Variants in MYBPC2 observed in about 807,000 individuals in gnomAD.
The protein encoded by MYBPC2 is myosin-binding protein C, fast-type.
Under a neutral mutation model 137.0 loss-of-function variants are expected in MYBPC2, and 122 were observed. That is an observed-to-expected ratio of 0.89 (90% CI 0.77 to 1.03). The LOEUF is 1.03. Ranked by LOEUF, MYBPC2 falls within the 50% of genes least tolerant of loss-of-function variation. The pLI, the probability that MYBPC2 is intolerant of heterozygous loss-of-function variation, is 0.00. For missense variants in MYBPC2, 1,500 were observed against 1,534.4 expected, an observed-to-expected ratio of 0.98 and a Z score of 0.37; for synonymous variants, 626 against 612.3, an observed-to-expected ratio of 1.02 and a Z score of -0.33.
chr19:50,436,469 C>CA, intron 4 of MYBPC2, 148 bp from the exon 5 acceptor site: 1 of 769,806 alleles, frequency 1.3e-6, no homozygotes, highest in Non-Finnish European at 2.1e-6. Context: ...AGCTGGCCAC[C>CA]AGGTGCTGAG....
chr19:50,433,933 G>A (rs1400678827), intron 1 of MYBPC2, among the ~76,000 whole-genome samples: 1 of 152,194 alleles, frequency 6.6e-6, no homozygotes, highest in Admixed American at 6.5e-5. Context: ...AAATCAGCCA[G>A]GTGTGGTGGT....
intron 4 of MYBPC2, 47 bp from the exon 5 acceptor site, chr19:50,436,570 C>A: frequency 6.6e-7 from 1 of 1,512,112 alleles, no homozygotes; most frequent in South Asian, 1.1e-5. Flanking sequence ...TATGGGGTGG[C>A]TCTAGAGGGT....
chr19:50,454,052 C>T lies in MYBPC2; in HGVS notation c.1782C>T (p.Ile594=), dbSNP rs374005180. The T allele has an allele frequency of 8.4e-5, 135 of 1,607,438 alleles. No individual in the cohort carries two copies. Among genetic ancestry groups the T allele is most frequent in the Admixed American group, 1.9e-4 (11 of 58,960 alleles). ...CGACCACCGAGGGCAGGACCCGCATCGAGAAGCGGGTGGACTGCAGCAGCT... is the reference window on the plus strand; with the variant it reads ...CGACCACCGAGGGCAGGACCCGCATTGAGAAGCGGGTGGACTGCAGCAGCT... The part of the protein sequence containing the change: ...VFTTTEGRTR[I]EKRVDCSSFV... The change falls in exon 17 of 28, where the codon ATC becomes ATT. Residue 594 remains isoleucine, a synonymous_variant. Transcript: ENST00000357701.
rs754815401 is a variant in MYBPC2, at chr19:50,437,727, C to T, written c.572+9C>T. 7 of 1,598,764 alleles carry T rather than the reference C, an allele frequency of 4.4e-6. No homozygotes were observed. The highest frequency in any genetic ancestry group is 4.0e-5 in the African/African-American group (3 of 74,578). On this transcript the variant is annotated intron_variant, in intron 7 of 27. Transcript: ENST00000357701. The stretch of plus-strand genomic sequence containing the variant: ...GGCCTGTTGAAGAAGAGGTGAGCCC[C>T]GGACTTGGCACAGAGAGGGGAGATG...
rs564961071 is a variant in MYBPC2 at position 50,462,171 on chromosome 19, T to A, written c.3228+135T>A. 468 of 1,297,758 alleles carry A rather than the reference T, an allele frequency of 3.6e-4. 1 individual carries two copies. Among genetic ancestry groups the A allele is most frequent in the Admixed American group, 3.3e-3 (105 of 31,360 alleles). 80.4% of individuals were successfully genotyped at this position (1,297,758 alleles called of 1,614,324 possible). A position where few individuals can be genotyped will look rare whatever the true frequency, so the allele number is the denominator to read the frequency against. On this transcript the variant is annotated intron_variant, in intron 26 of 27. Transcript: ENST00000357701. Reference sequence around the variant, plus strand: ...TCAAGGGATTTAGTCACTTAAAAAATTTTTTTAATTGATTTTTGATTTTTT... The same window carrying A: ...TCAAGGGATTTAGTCACTTAAAAAAATTTTTTAATTGATTTTTGATTTTTT...
intron 8 of MYBPC2, 94 bp from the exon 9 acceptor site, chr19:50,442,087 C>A (rs1271820486): frequency 2.3e-5 from 33 of 1,456,852 alleles, no homozygotes; most frequent in Non-Finnish European, 3.0e-5. Context: ...CTTGGAGAGC[C>A]CAGGGCCTGG....
At position 50,435,897 on chromosome 19, in the gene MYBPC2, C is replaced by G. The variant is rs767043247; in HGVS notation, c.196+35C>G. ...ACCCGGGGGAGGAGGGGCTGCGGCC[C>G]GGACTCCTGGGTCTGAGGGAGGAGG... On this transcript the variant is annotated intron_variant, in intron 3 of 27. Coordinates refer to ENST00000357701, the MANE Select transcript of MYBPC2 (RefSeq NM_004533.4). The surrounding 1 kb of genome is among the most constrained non-coding windows in gnomAD (Gnocchi z 4.8). 5.8e-6 allele frequency: 9 copies of G among 1,555,282 alleles called. No homozygotes were observed. The highest frequency in any genetic ancestry group is 5.7e-5 in the Admixed American group (3 of 52,176).
chr19:50,436,743 G>C lies in MYBPC2; in HGVS notation c.463+9G>C. On this transcript the variant is annotated intron_variant, in intron 5 of 27. Transcript: ENST00000357701. Reference sequence around the variant, plus strand: ...CAACATCGATGTGGAGGGTATGCTGGTGGGGGATGCGGGAGCAAAGGGTTC... The same window carrying C: ...CAACATCGATGTGGAGGGTATGCTGCTGGGGGATGCGGGAGCAAAGGGTTC... 6.2e-7 allele frequency: 1 copy of C among 1,612,974 alleles called. No homozygotes were observed.
chr19:50,446,097 C>T (rs2039803500), intron 12 of MYBPC2, 45 bp downstream of exon 12: 4 of 1,580,098 alleles, frequency 2.5e-6, no homozygotes, highest in Admixed American at 1.8e-5. Context: ...GCGCATGCTT[C>T]TCCACACAGC....
chr19:50,466,192 C>T lies in MYBPC2; in HGVS notation c.3416-3C>T. The stretch of plus-strand genomic sequence containing the variant: ...GCTCACCCGCTTTCTCGTTTTCCTG[C>T]AGTGCCGCAGTGAGACCTGTCCCCT... On this transcript the variant is annotated splice_region_variant and splice_polypyrimidine_tract_variant and intron_variant, in intron 27 of 27. Transcript: ENST00000357701. The surrounding 1 kb of genome is among the most constrained non-coding windows in gnomAD (Gnocchi z 4.9). The T allele has an allele frequency of 1.2e-6, 2 of 1,613,852 alleles. No individual in the cohort carries two copies. Among genetic ancestry groups the T allele is most frequent in the African/African-American group, 1.3e-5 (1 of 75,022 alleles).
At position 50,443,597 on chromosome 19, in the gene MYBPC2, T is replaced by G; in HGVS notation, c.1006T>G (p.Phe336Val). The change falls in exon 10 of 28, where the codon TTC (phenylalanine) becomes GTC (valine). Residue 336 changes from phenylalanine to valine, a missense_variant. Physicochemically the swap from Phe to Val is conservative, Grantham distance 50. Coordinates refer to ENST00000357701, the MANE Select transcript of MYBPC2 (RefSeq NM_004533.4). ...YEVAVKDEKC[F>V]TELFVKEPPV... is the part of the protein sequence containing the mutation. The stretch of plus-strand genomic sequence containing the variant: ...AGTAGCTGTCAAGGATGAGAAGTGT[T>G]TCACCGAGCTCTTCGTCAAAGGTGA... 6.2e-7 allele frequency: 1 copy of G among 1,613,470 alleles called. No individual in the cohort carries two copies. Among genetic ancestry groups the G allele is most frequent in the Non-Finnish European group, 8.5e-7 (1 of 1,179,626 alleles).
At chr19:50,442,054 C>T in intron 8 of MYBPC2, 127 bp from the exon 9 acceptor site, 4 of 1,202,444 alleles carry the variant, frequency 3.3e-6, no homozygotes, top group South Asian at 1.6e-5. Context: ...TCATAGGAGG[C>T]CCCCTGACTT....
At chr19:50,446,512 TAAAACAAAAACA>T (rs998688068) in intron 12 of MYBPC2, among the ~76,000 whole-genome samples, 1 of 125,942 alleles carries the variant, frequency 7.9e-6, no homozygotes, top group Admixed American at 8.4e-5. Flanking sequence ...GACTCTGTCT[TAAAACAAAAACA>T]AAAACAAAAA....
intron 23 of MYBPC2, 80 bp from the exon 24 acceptor site, chr19:50,459,960 G>A (rs2039956213): frequency 2.6e-6 from 4 of 1,529,296 alleles, no homozygotes; most frequent in Non-Finnish European, 3.5e-6. Context: ...CAGGAGGGAG[G>A]GGGTGTGGAG....
intron 20 of MYBPC2, among the ~76,000 whole-genome samples, chr19:50,457,782 C>T (rs934795532): frequency 8.1e-5 from 12 of 148,636 alleles, no homozygotes; most frequent in Admixed American, 2.0e-4. Flanking sequence ...CAGGTTCAAG[C>T]GATTCTCCTG....
Position 50,435,089 on chromosome 19 carries a change from A to G in MYBPC2, c.20-72A>G, listed in dbSNP as rs149908356. 0.058 allele frequency: 40,892 copies of G among 700,594 alleles called. 1,669 individuals are homozygous for G. The highest frequency in any genetic ancestry group is 0.074 in the Middle Eastern group (311 of 4,212). 43.4% of individuals were successfully genotyped at this position (700,594 alleles called of 1,614,324 possible). On this transcript the variant is annotated intron_variant, in intron 1 of 27. Coordinates refer to ENST00000357701, the MANE Select transcript of MYBPC2 (RefSeq NM_004533.4). The surrounding 1 kb of genome is among the most constrained non-coding windows in gnomAD (Gnocchi z 4.8). ...AGGGAGGAGGGGCTGGGGGGTCTGG[A>G]CTCCTGCGTCTGAGGGAGGGGCATG...
chr19:50,453,451 T>G (rs2039878959), intron 16 of MYBPC2, among the ~76,000 whole-genome samples: 1 of 152,182 alleles, frequency 6.6e-6, no homozygotes, highest in African/African-American at 2.4e-5. Flanking sequence ...AGGAAGAGCT[T>G]AGTGTTGCAT....
Position 50,461,965 on chromosome 19 carries a change from C to T in MYBPC2, c.3157C>T (p.Pro1053Ser), listed in dbSNP as rs1169329160. ...DFRMAPKFLT[P>S]LIDRVVVAGY... ...CCGGATGGCTCCCAAGTTCCTGACA[C>T]CTCTCATAGACCGCGTGGTCGTGGC... Residue 1053 changes from proline to serine, a missense_variant, in exon 26 of 28, where the codon CCT becomes TCT. Transcript: ENST00000357701. 1 of 1,586,488 alleles carries T rather than the reference C, an allele frequency of 6.3e-7. No individual in the cohort carries two copies. The highest frequency in any genetic ancestry group is 8.6e-7 in the Non-Finnish European group (1 of 1,165,902).
rs145465195 is a variant in MYBPC2, at chr19:50,455,610, C to T, written c.2304C>T (p.Ile768=). ...CGAACAGGATCGGGGCAGGTGGCAT[C>T]GATGGGTACCTGGTGGAGTACTGCC... The part of the protein sequence containing the change: ...RPPNRIGAGG[I]DGYLVEYCLE... The change falls in exon 20 of 28, where the codon ATC becomes ATT. Residue 768 remains isoleucine (I), a synonymous_variant. Coordinates refer to ENST00000357701, the MANE Select transcript of MYBPC2 (RefSeq NM_004533.4). 636 of 1,613,954 alleles carry T rather than the reference C, an allele frequency of 3.9e-4. No homozygotes were observed. In the African/African-American group the frequency reaches 7.3e-3, roughly 18 times the overall value.
Sources: allele counts gnomAD v4.1 joint callset (sites outside exome capture counted in the v4.1 genomes callset), GRCh38; gene constraint gnomAD v4.1.1; non-coding constraint Gnocchi (gnomAD v3.1); transcripts MANE v1.5; gene names NCBI Gene and HGNC (gene_info 2026-07-23, HGNC 2026-07-21).